Variants in PHACTR3 observed in about 807,000 individuals in gnomAD.
The protein encoded by PHACTR3 is phosphatase and actin regulator 3, also known as protein phosphatase 1, regulatory subunit 123.
PHACTR3 carries 16 observed loss-of-function variants against 66.8 expected under a neutral mutation model. The observed-to-expected ratio is 0.24, with a 90% CI of 0.16 to 0.36. The LOEUF (loss-of-function observed/expected upper bound fraction) is 0.36. PHACTR3 is among the 10% of genes least tolerant of loss of function. PHACTR3 has a pLI of 1.00. For missense variants in PHACTR3, 647 were observed against 719.9 expected (o/e 0.90, Z 1.16); for synonymous variants, 323 against 292.1 (o/e 1.11, Z -1.08).
rs1248926084 is a variant in PHACTR3, at chr20:59,820,372, C to A, written c.1328+14178C>A. ...CAAAGGCCGGGGCAGGCAAGGCCAG[C>A]ACGGATCAGGCAAAATGGTGGCTAT... On this transcript the variant is annotated intron_variant, in intron 8 of 12. Transcript: ENST00000371015. The surrounding 1 kb of genome is among the most constrained non-coding windows in gnomAD (Gnocchi z 4.6). 6.6e-6 allele frequency among the ~76,000 whole-genome samples: 1 copy of A among 152,220 alleles called. No individual in the cohort carries two copies. The highest frequency in any genetic ancestry group is 2.4e-5 in the African/African-American group (1 of 41,442).
At chr20:59,725,211 T>C (rs2077388) in intron 1 of PHACTR3, among the ~76,000 whole-genome samples, 48,411 of 144,660 alleles carry the variant, frequency 0.33, 8,199 homozygotes, top group African/African-American at 0.48. Flanking sequence ...CTCAGTGAGG[T>C]TGTGAGCCCA....
chr20:59,591,696 A>C (rs1312048213), intron 1 of PHACTR3, among the ~76,000 whole-genome samples: 2 of 152,074 alleles, frequency 1.3e-5, no homozygotes, highest in African/African-American at 2.4e-5. Context: ...CATTTCTGCA[A>C]AGCTCTCCAG....
At chr20:59,766,836 C>T (rs2146866384) in intron 4 of PHACTR3, among the ~76,000 whole-genome samples, 1 of 152,272 alleles carries the variant, frequency 6.6e-6, no homozygotes, top group South Asian at 2.1e-4. Context: ...AACTTAAGGT[C>T]CAAGAGTAAA....
chr20:59,674,689 GT>G (rs1287581160), intron 1 of PHACTR3, among the ~76,000 whole-genome samples: 1 of 95,382 alleles, frequency 1.0e-5, no homozygotes, highest in African/African-American at 4.4e-5. Context: ...ACCTTCTCCT[GT>G]TCCTGCCTTC....
In PHACTR3 at chr20:59,743,336, C is replaced by G. The variant is rs2039244610; in HGVS notation, c.280+68C>G. 3.8e-6 allele frequency: 6 copies of G among 1,571,442 alleles called. No homozygotes were observed. In the South Asian group the frequency reaches 6.9e-5, roughly 18 times the overall value. ...CAGCGTCCTTGGCATGGTGCTGCGG[C>G]CCCTGCTGATCTGTGACTTCCTGGC... On this transcript the variant is annotated intron_variant, in intron 2 of 12. Transcript: ENST00000371015.
At chr20:59,786,000 ACT>A (rs1051359669) in intron 7 of PHACTR3, among the ~76,000 whole-genome samples, 41 of 152,328 alleles carry the variant, frequency 2.7e-4, no homozygotes, top group African/African-American at 9.6e-4. Context: ...GTGAACTGCC[ACT>A]GAGTCTGAGT....
chr20:59,609,047 C>T lies in PHACTR3; in HGVS notation c.118+3915C>T, dbSNP rs548973236. Among the ~76,000 whole-genome samples, 167 of 152,318 alleles carry T rather than the reference C, an allele frequency of 1.1e-3. 1 individual carries two copies. Among genetic ancestry groups the T allele is most frequent in the African/African-American group, 3.9e-3 (161 of 41,562 alleles). ...GGCGCTGGTGTCTCAACCTATGTGG[C>T]GGTGCCTGGCCAGGCAACTGGCCAC... On this transcript the variant is annotated intron_variant, in intron 1 of 12. Coordinates refer to ENST00000371015, the MANE Select transcript of PHACTR3 (RefSeq NM_080672.5).
Position 59,797,828 on chromosome 20 carries a change from C to T in PHACTR3, c.1175-8213C>T, listed in dbSNP as rs2041297637. ...TTGCCTTCCTGAAATAAAAACTCCA[C>T]TTGGTCATGGTGTATCACAATTTTT... is the stretch of plus-strand genomic sequence containing the variant. On this transcript the variant is annotated intron_variant, in intron 7 of 12. Coordinates refer to ENST00000371015, the MANE Select transcript of PHACTR3 (RefSeq NM_080672.5). 2.0e-5 allele frequency among the ~76,000 whole-genome samples: 3 copies of T among 151,950 alleles called. No homozygotes were observed. The South Asian group carries it at 6.2e-4, about 32-fold the overall frequency.
chr20:59,583,510 C>T (rs544382165), intron 1 of PHACTR3, among the ~76,000 whole-genome samples: 1 of 152,346 alleles, frequency 6.6e-6, no homozygotes, highest in African/African-American at 2.4e-5. Flanking sequence ...CTCCTTCTCG[C>T]AGCCTGGCTG....
At chr20:59,723,943 A>T (rs867875120) in intron 1 of PHACTR3, among the ~76,000 whole-genome samples, 1 of 151,564 alleles carries the variant, frequency 6.6e-6, no homozygotes, top group African/African-American at 2.4e-5. Flanking sequence ...GAGTTGCCAG[A>T]CTCCTTCCAT....
Position 59,830,719 on chromosome 20 carries a change from T to A in PHACTR3, c.1329-5786T>A, listed in dbSNP as rs944116650. The stretch of plus-strand genomic sequence containing the variant: ...TGTCAACCTCCTCCTGTATTTAGTG[T>A]TCTCGACTCTCCCAGCATCCCTGTG... On this transcript the variant is annotated intron_variant, in intron 8 of 12. Coordinates refer to ENST00000371015, the MANE Select transcript of PHACTR3 (RefSeq NM_080672.5). This position sits in a 1 kb window ranked among gnomAD's most constrained non-coding sequence, Gnocchi z 5.8. Among the ~76,000 whole-genome samples the A allele has an allele frequency of 6.6e-6, 1 of 152,150 alleles. No individual in the cohort carries two copies. The highest frequency in any genetic ancestry group is 1.5e-5 in the Non-Finnish European group (1 of 68,008).
chr20:59,600,145 C>CCCT (rs1326408200), upstream of PHACTR3, among the ~76,000 whole-genome samples: 9 of 152,308 alleles, frequency 5.9e-5, no homozygotes, highest in African/African-American at 1.9e-4. Flanking sequence ...GTTCCCTCTG[C>CCCT]CCGGGGCGCC....
At chr20:59,765,880 G>A (rs762269894) in intron 4 of PHACTR3, among the ~76,000 whole-genome samples, 2 of 152,242 alleles carry the variant, frequency 1.3e-5, no homozygotes, top group African/African-American at 4.8e-5. Flanking sequence ...TAGACATACA[G>A]TGGGGAGAGT....
At chr20:59,847,064 A>C in intron 12 of PHACTR3, 51 bp from the exon 13 acceptor site, 1 of 1,344,528 alleles carries the variant, frequency 7.4e-7, no homozygotes, top group Non-Finnish European at 1.0e-6. Flanking sequence ...GGCTATTTTA[A>C]CTGCTAGAAA....
At position 59,729,492 on chromosome 20, in the gene PHACTR3, G is replaced by A. The variant is rs143559730; in HGVS notation, c.119-13615G>A. 6.6e-5 allele frequency among the ~76,000 whole-genome samples: 10 copies of A among 152,288 alleles called. 1 individual carries two copies. The highest frequency in any genetic ancestry group is 2.2e-4 in the African/African-American group (9 of 41,574). ...GACCAGAGACACCTTAGTGTCCCAG[G>A]ATGATGAAGAGCGAGGGGCCAGAGC... On this transcript the variant is annotated intron_variant, in intron 1 of 12. Transcript: ENST00000371015.
chr20:59,699,448 T>C (rs1200643052), intron 1 of PHACTR3, among the ~76,000 whole-genome samples: 1 of 152,242 alleles, frequency 6.6e-6, no homozygotes, highest in Non-Finnish European at 1.5e-5. Flanking sequence ...TTTTGTTTAC[T>C]CCAGTCTCCT....
chr20:59,780,436 A>G (rs2040685059), intron 7 of PHACTR3, among the ~76,000 whole-genome samples: 1 of 152,194 alleles, frequency 6.6e-6, no homozygotes, highest in Non-Finnish European at 1.5e-5. Context: ...GGGTTTGGCA[A>G]GGCCCCACTT....
chr20:59,633,303 A>G (rs1454894811), intron 1 of PHACTR3, among the ~76,000 whole-genome samples: 2 of 152,258 alleles, frequency 1.3e-5, no homozygotes, highest in African/African-American at 4.8e-5. Context: ...CATATACACC[A>G]TGGAATACTA....
chr20:59,737,346 G>A (rs539698838), intron 1 of PHACTR3, among the ~76,000 whole-genome samples: 10 of 152,288 alleles, frequency 6.6e-5, no homozygotes, highest in African/African-American at 1.7e-4. Context: ...CCCCTGGCAC[G>A]TGCCTGAGCT....
Sources: gnomAD v4.1 joint callset for allele counts (sites outside exome capture counted in the v4.1 genomes callset) on GRCh38, gnomAD v4.1.1 for gene constraint, Gnocchi (gnomAD v3.1) non-coding constraint, MANE v1.5 for transcripts, NCBI Gene and HGNC (gene_info 2026-07-23, HGNC 2026-07-21) for gene names.